ANO4: variants seen among roughly 807,000 people sequenced by gnomAD.
The protein encoded by ANO4 is anoctamin 4, also known as anoctamin-4.
ANO4 carries 69 observed loss-of-function variants against 141.9 expected under a neutral mutation model. The ratio of observed to expected loss-of-function variants is 0.49; its 90% CI spans 0.40 to 0.59. The LOEUF is 0.59. Ranked by LOEUF, ANO4 falls within the 20% of genes least tolerant of loss-of-function variation. The pLI is 0.00. For synonymous variants in ANO4, 350 were observed against 394.3 expected, an observed-to-expected ratio of 0.89 and a Z score of 1.33; for missense variants, 894 against 1,162.2, an observed-to-expected ratio of 0.77 and a Z score of 3.36.
At chr12:101,016,861 T>C (rs952096873) in intron 8 of ANO4, among the ~76,000 whole-genome samples, 1 of 152,214 alleles carries the variant, frequency 6.6e-6, no homozygotes, top group African/African-American at 2.4e-5. Flanking sequence ...ATTACAGTGT[T>C]ATCCCCATTT....
intron 9 of ANO4, among the ~76,000 whole-genome samples, chr12:101,031,924 A>T (rs531553703): frequency 7.9e-5 from 12 of 152,318 alleles, no homozygotes; most frequent in African/African-American, 2.4e-4. Flanking sequence ...TGCTCAAGGA[A>T]ATCAGAGAGG....
At chr12:100,759,103 A>G (rs1015122096) in intron 3 of ANO4, among the ~76,000 whole-genome samples, 3 of 152,204 alleles carry the variant, frequency 2.0e-5, no homozygotes, top group Non-Finnish European at 4.4e-5. Flanking sequence ...TGGTATTAGT[A>G]TCCTCATTTG....
intron 2 of ANO4, among the ~76,000 whole-genome samples, chr12:100,734,527 T>C (rs147554006): frequency 9.1e-4 from 138 of 152,380 alleles, no homozygotes; most frequent in African/African-American, 3.2e-3. Context: ...TTTGCACTTA[T>C]TGCCTGCCAG....
intron 16 of ANO4, 149 bp from the exon 17 acceptor site, chr12:101,086,511 A>G (rs1232703620): frequency 1.2e-6 from 1 of 803,744 alleles, no homozygotes; most frequent in Non-Finnish European, 2.0e-6. Flanking sequence ...TATTAACCAC[A>G]ATGAAAAGTA....
Position 101,049,191 on chromosome 12 carries a change from T to C in ANO4, c.1312+790T>C, listed in dbSNP as rs565458129. Among the ~76,000 whole-genome samples the C allele has an allele frequency of 2.0e-5, 3 of 152,346 alleles. No homozygotes were observed. In the South Asian group the frequency reaches 6.2e-4, roughly 32 times the overall value. On this transcript the variant is annotated intron_variant, in intron 14 of 27. Coordinates refer to ENST00000392977, the MANE Select transcript of ANO4 (RefSeq NM_001286615.2). ...TAGTCTGGTTTGAATTTTTTACAATTATACTTTTCTCCTATAACTTTAATT... is the reference window on the plus strand; with the variant it reads ...TAGTCTGGTTTGAATTTTTTACAATCATACTTTTCTCCTATAACTTTAATT...
At chr12:101,012,596 G>A (rs2046142442) in intron 8 of ANO4, among the ~76,000 whole-genome samples, 1 of 152,280 alleles carries the variant, frequency 6.6e-6, no homozygotes, top group South Asian at 2.1e-4. Flanking sequence ...AGGGAAGAAA[G>A]GAGATAAGGT....
intron 1 of ANO4, among the ~76,000 whole-genome samples, chr12:100,869,257 G>A (rs945014786): frequency 3.9e-5 from 6 of 152,186 alleles, no homozygotes; most frequent in African/African-American, 1.2e-4. Flanking sequence ...CTGGTGTGAG[G>A]TTCTATAAAT....
intron 1 of ANO4, among the ~76,000 whole-genome samples, chr12:100,830,804 T>C (rs1470535361): frequency 6.6e-6 from 1 of 152,146 alleles, no homozygotes; most frequent in Non-Finnish European, 1.5e-5. Flanking sequence ...TTAATTTGAC[T>C]TGAGTTTATC....
intron 27 of ANO4, among the ~76,000 whole-genome samples, chr12:101,127,595 A>G (rs955583145): frequency 6.6e-6 from 1 of 152,128 alleles, no homozygotes; most frequent in African/African-American, 2.4e-5. Context: ...GGCCATTTCT[A>G]ATTTTTGCTT....
At chr12:100,764,810 A>G (rs1190660994) in intron 3 of ANO4, among the ~76,000 whole-genome samples, 5 of 152,202 alleles carry the variant, frequency 3.3e-5, no homozygotes, top group Admixed American at 2.6e-4. Context: ...GTCTCCTTAG[A>G]GGCTGACTTG....
At chr12:100,874,337 T>A (rs939651748) in intron 1 of ANO4, among the ~76,000 whole-genome samples, 1 of 152,154 alleles carries the variant, frequency 6.6e-6, no homozygotes, top group East Asian at 1.9e-4. Context: ...ACTTGTACCA[T>A]GTGCCTGGAA....
At chr12:101,072,967 C>T (rs184147094) in intron 14 of ANO4, among the ~76,000 whole-genome samples, 5 of 152,280 alleles carry the variant, frequency 3.3e-5, no homozygotes, top group Admixed American at 6.5e-5. Context: ...GAAATAGGAA[C>T]GCTTTTACAC....
At chr12:100,908,844 C>T (rs1267953857) in intron 2 of ANO4, among the ~76,000 whole-genome samples, 5 of 152,310 alleles carry the variant, frequency 3.3e-5, no homozygotes, top group African/African-American at 1.2e-4. Flanking sequence ...ATTTGGGAGT[C>T]TTGTAGATTT....
intron 3 of ANO4, among the ~76,000 whole-genome samples, chr12:100,764,960 G>A (rs1394682923): frequency 6.6e-6 from 1 of 152,076 alleles, no homozygotes; most frequent in Non-Finnish European, 1.5e-5. Context: ...TTGGTATTAG[G>A]GTAATGCTGG....
intron 5 of ANO4, among the ~76,000 whole-genome samples, chr12:100,966,848 CAT>C (rs890465801): frequency 5.8e-5 from 8 of 137,158 alleles, no homozygotes; most frequent in East Asian, 4.5e-4. Context: ...TACACACACA[CAT>C]ATACACACAT....
At chr12:101,015,353 C>T (rs1028628545) in intron 8 of ANO4, among the ~76,000 whole-genome samples, 10 of 152,098 alleles carry the variant, frequency 6.6e-5, no homozygotes, top group African/African-American at 2.4e-4. Flanking sequence ...TGCACATTTT[C>T]CTCTGACACA....
chr12:100,855,835 G>A (rs2038135702), intron 1 of ANO4, among the ~76,000 whole-genome samples: 1 of 152,072 alleles, frequency 6.6e-6, no homozygotes, highest in Non-Finnish European at 1.5e-5. Context: ...GTGGCATAGT[G>A]ACAAATAGGA....
chr12:100,840,464 A>G (rs1392260791), intron 1 of ANO4, among the ~76,000 whole-genome samples: 2 of 152,146 alleles, frequency 1.3e-5, no homozygotes, highest in African/African-American at 4.8e-5. Context: ...GGAAACTGAG[A>G]CACAGAGAGA....
chr12:100,746,369 C>G (rs2032103013), intron 3 of ANO4, among the ~76,000 whole-genome samples: 1 of 151,346 alleles, frequency 6.6e-6, no homozygotes, highest in African/African-American at 2.4e-5. Flanking sequence ...ATAAGAATTG[C>G]TTGAACCCGG....
Sources: gnomAD v4.1 joint callset for allele counts (sites outside exome capture counted in the v4.1 genomes callset) on GRCh38, gnomAD v4.1.1 for gene constraint, MANE v1.5 for transcripts, NCBI Gene and HGNC (gene_info 2026-07-23, HGNC 2026-07-21) for gene names.